The following TENM1 variants were observed in gnomAD, a reference collection of about 807,000 sequenced individuals.
The protein encoded by TENM1 is teneurin transmembrane protein 1.
Under a neutral mutation model 174.8 loss-of-function variants are expected in TENM1, and 35 were observed. The ratio of observed to expected loss-of-function variants is 0.20; its 90% CI spans 0.15 to 0.27. TENM1 has a LOEUF of 0.27. TENM1 is among the 10% of genes least tolerant of loss of function. The pLI, the probability that TENM1 is intolerant of heterozygous loss-of-function variation, is 1.00. For missense variants in TENM1, 1,633 were observed against 2,130.1 expected (o/e 0.77, Z 4.59); for synonymous variants, 781 against 798.7 (o/e 0.98, Z 0.37).
chrX:125,079,046 A>G, the TENM1 span, among the ~76,000 whole-genome samples: 2 of 111,918 alleles, frequency 1.8e-5, no homozygotes, highest in East Asian at 5.6e-4. Context: ...TCAGGATTCA[A>G]ATATGTTTCT....
chrX:124,815,521 A>T (rs1008159330), intron 3 of TENM1, among the ~76,000 whole-genome samples: 12 of 111,856 alleles, frequency 1.1e-4, no homozygotes, highest in African/African-American at 3.9e-4. Flanking sequence ...AGACAATATT[A>T]AATTTTAAAT....
the TENM1 span, among the ~76,000 whole-genome samples, chrX:125,081,257 A>G: frequency 1.8e-5 from 2 of 111,354 alleles, no homozygotes; most frequent in Non-Finnish European, 3.8e-5. Context: ...TTCATTTGCT[A>G]GATTGTCGTA....
intron 3 of TENM1, among the ~76,000 whole-genome samples, chrX:124,790,776 A>T (rs893127673): frequency 6.3e-5 from 7 of 111,414 alleles, no homozygotes; most frequent in Non-Finnish European, 1.1e-4. Flanking sequence ...TGGCTGAAAG[A>T]GTTTTATAAT....
At chrX:124,405,159 C>T (rs1282139206) in exon 27 of TENM1, 3 of 1,211,523 alleles carry the variant, frequency 2.5e-6, no homozygotes. Context: ...GGGTTGACTG[C>T]CCCTGCCAGG....
intron 3 of TENM1, among the ~76,000 whole-genome samples, chrX:124,833,020 ATAAC>A (rs1007479771): frequency 5.3e-5 from 6 of 112,344 alleles, no homozygotes; most frequent in Non-Finnish European, 1.1e-4. Flanking sequence ...TTAATAAAAA[ATAAC>A]TAAAAAGAGC....
chrX:125,179,562 C>A, the TENM1 span, among the ~76,000 whole-genome samples: 1 of 111,748 alleles, frequency 8.9e-6, no homozygotes, highest in Non-Finnish European at 1.9e-5. Flanking sequence ...GTATCACTAT[C>A]TGACTAGGCT....
intron 11 of TENM1, among the ~76,000 whole-genome samples, chrX:124,634,551 T>C (rs961552273): frequency 5.4e-5 from 6 of 111,410 alleles, no homozygotes; most frequent in Non-Finnish European, 9.4e-5. Context: ...GCATTACATT[T>C]TGAACAAAGA....
intron 1 of TENM1, among the ~76,000 whole-genome samples, chrX:124,943,198 G>C (rs1410225539): frequency 9.0e-6 from 1 of 111,328 alleles, no homozygotes; most frequent in Non-Finnish European, 1.9e-5. Context: ...TTGAAAGCAT[G>C]AGTTTTGACC....
intron 21 of TENM1, among the ~76,000 whole-genome samples, chrX:124,483,044 G>A (rs2046878753): frequency 8.9e-6 from 1 of 111,901 alleles, no homozygotes; most frequent in Admixed American, 9.5e-5. Flanking sequence ...TCTATAGATC[G>A]ATATGTAGGA....
At chrX:124,476,412 T>C (rs1051455062) in intron 22 of TENM1, among the ~76,000 whole-genome samples, 5 of 111,995 alleles carry the variant, frequency 4.5e-5, no homozygotes. Flanking sequence ...GTGTCATGTA[T>C]ACCCTAAAAA....
At chrX:125,039,124 TG>T in the TENM1 span, among the ~76,000 whole-genome samples, 10 of 111,618 alleles carry the variant, frequency 9.0e-5, no homozygotes, top group Non-Finnish European at 1.5e-4. Context: ...AAATTCTAGT[TG>T]TTTACCTATG....
intron 25 of TENM1, chrX:124,412,026 T>C (rs2060542775): frequency 8.9e-6 from 1 of 112,358 alleles, no homozygotes; most frequent in Admixed American, 9.4e-5. Context: ...GGCTGCAAAT[T>C]ATAGCTGCTG....
chrX:125,061,097 G>T, the TENM1 span, among the ~76,000 whole-genome samples: 1 of 105,080 alleles, frequency 9.5e-6, no homozygotes, highest in African/African-American at 3.7e-5. Flanking sequence ...AATTACAACC[G>T]ATTTGAATAG....
chrX:124,671,094 T>C (rs937025259), intron 6 of TENM1, among the ~76,000 whole-genome samples: 1 of 111,154 alleles, frequency 9.0e-6, no homozygotes, highest in African/African-American at 3.3e-5. Context: ...GTGCTGGTAC[T>C]GTGACATTTA....
chrX:125,081,856 C>T, the TENM1 span, among the ~76,000 whole-genome samples: 2 of 110,846 alleles, frequency 1.8e-5, no homozygotes, highest in East Asian at 5.7e-4. Flanking sequence ...TGGATGGAAC[C>T]GGACAGGTCA....
At chrX:124,660,472 A>T (rs953353309) in intron 6 of TENM1, among the ~76,000 whole-genome samples, 16 of 111,761 alleles carry the variant, frequency 1.4e-4, no homozygotes, top group African/African-American at 4.9e-4. Context: ...TTTGCAAATG[A>T]TATATTGGAT....
the TENM1 span, among the ~76,000 whole-genome samples, chrX:124,978,503 T>C: frequency 1.8e-5 from 2 of 112,292 alleles, no homozygotes; most frequent in Admixed American, 9.5e-5. Context: ...CTGAAGGTTA[T>C]TGTTACATTT....
At chrX:124,438,344 T>C (rs2060866964) in intron 23 of TENM1, among the ~76,000 whole-genome samples, 1 of 110,032 alleles carries the variant, frequency 9.1e-6, no homozygotes, top group African/African-American at 3.3e-5. Context: ...ATCTTAGATA[T>C]TTCTGTATCT....
At chrX:125,155,499 C>T in the TENM1 span, among the ~76,000 whole-genome samples, 4 of 109,583 alleles carry the variant, frequency 3.7e-5, no homozygotes, top group Non-Finnish European at 7.6e-5. Flanking sequence ...GTAGATGGGA[C>T]TGGGCTCCGT....
Sources: gnomAD v4.1 joint callset for allele counts (sites outside exome capture counted in the v4.1 genomes callset) on GRCh38, gnomAD v4.1.1 for gene constraint, MANE v1.5 for transcripts, NCBI Gene and HGNC (gene_info 2026-07-23, HGNC 2026-07-21) for gene names.